The following SUMF1 variants were observed in gnomAD, a reference collection of about 807,000 sequenced individuals.
SUMF1 encodes sulfatase modifying factor 1.
SUMF1 carries 48 observed loss-of-function variants against 47.6 expected under a neutral mutation model. That is an observed-to-expected ratio of 1.01 (90% CI 0.80 to 1.28). The LOEUF (loss-of-function observed/expected upper bound fraction) is 1.28, where lower values mean the gene tolerates loss of function less well. SUMF1 is among the 50% of genes most tolerant of loss of function. SUMF1 has a pLI of 0.00. For missense variants in SUMF1, 571 were observed against 485.4 expected (o/e 1.18, Z -1.66); for synonymous variants, 230 against 192.1 (o/e 1.20, Z -1.63).
chr3:4,322,279 C>CAAAT (rs1333222325), intron 8 of SUMF1, among the ~76,000 whole-genome samples: 2 of 151,912 alleles, frequency 1.3e-5, no homozygotes, highest in African/African-American at 4.8e-5. Context: ...TTAATTGTAA[C>CAAAT]AAATGTATCA....
At chr3:4,151,397 A>G (rs11720484) in intron 8 of SUMF1, among the ~76,000 whole-genome samples, 95,784 of 141,820 alleles carry the variant, frequency 0.68, 32,397 homozygotes, top group African/African-American at 0.75. Flanking sequence ...ATGTATATAT[A>G]TGTATATGTA....
At chr3:4,316,289 A>G (rs1698641537) in intron 8 of SUMF1, 3 of 1,017,446 alleles carry the variant, frequency 2.9e-6, no homozygotes, top group Non-Finnish European at 4.5e-6. Context: ...GTAAAGCAGC[A>G]GAAACAACTC....
intron 7 of SUMF1, among the ~76,000 whole-genome samples, chr3:4,401,075 T>C (rs941340637): frequency 6.6e-6 from 1 of 151,048 alleles, no homozygotes; most frequent in African/African-American, 2.4e-5. Context: ...TCTGGTTTTC[T>C]GTCCTTGTGA....
At chr3:4,252,818 T>C (rs1450629403) in intron 8 of SUMF1, among the ~76,000 whole-genome samples, 2 of 152,184 alleles carry the variant, frequency 1.3e-5, no homozygotes, top group African/African-American at 2.4e-5. Flanking sequence ...TCAGTGAATA[T>C]TCAGGCAGTC....
intron 8 of SUMF1, among the ~76,000 whole-genome samples, chr3:4,259,339 G>T (rs202147780): frequency 6.6e-6 from 1 of 152,086 alleles, no homozygotes; most frequent in African/African-American, 2.4e-5. Flanking sequence ...CATGGCTATT[G>T]CAATTTTAGC....
At chr3:4,070,394 G>A (rs1250375861) in intron 8 of SUMF1, among the ~76,000 whole-genome samples, 1 of 152,128 alleles carries the variant, frequency 6.6e-6, no homozygotes, top group Non-Finnish European at 1.5e-5. Flanking sequence ...AACGGAGTAA[G>A]AGGACAGCAC....
intron 8 of SUMF1, among the ~76,000 whole-genome samples, chr3:4,367,454 A>G (rs1700014777): frequency 1.3e-5 from 2 of 152,080 alleles, no homozygotes; most frequent in African/African-American, 4.8e-5. Context: ...CAAGCTACCA[A>G]TGACTTTCTT....
intron 8 of SUMF1, among the ~76,000 whole-genome samples, chr3:4,219,677 T>C (rs1574990780): frequency 6.6e-6 from 1 of 152,160 alleles, no homozygotes; most frequent in Non-Finnish European, 1.5e-5. Flanking sequence ...GAATTTACCA[T>C]GCAGGCCAGT....
chr3:4,044,392 G>A lies in SUMF1; in HGVS notation c.1191+24177C>T, dbSNP rs141847462. Among the ~76,000 whole-genome samples the A allele has an allele frequency of 5.5e-3, 830 of 152,248 alleles. 10 individuals are homozygous for A. Among genetic ancestry groups the A allele is most frequent in the African/African-American group, 0.018 (760 of 41,546 alleles). On this transcript the variant is annotated intron_variant and NMD_transcript_variant, in intron 9 of 12. Coordinates refer to the SUMF1 transcript ENST00000448413. The stretch of plus-strand genomic sequence containing the variant: ...TTCCAAACCACATTAGTCATGAAGT[G>A]CTGACAATAATTACTAACACATTGA...
intron 8 of SUMF1, among the ~76,000 whole-genome samples, chr3:4,210,619 T>C (rs1189103543): frequency 6.6e-6 from 1 of 152,116 alleles, no homozygotes; most frequent in Admixed American, 6.5e-5. Context: ...CAAAAATTTT[T>C]TTTTAACTTT....
intron 8 of SUMF1, among the ~76,000 whole-genome samples, chr3:4,375,697 C>A (rs1036847507): frequency 6.6e-6 from 1 of 151,830 alleles, no homozygotes; most frequent in African/African-American, 2.4e-5. Flanking sequence ...GTTCAGGAGA[C>A]GTGAAAAATA....
chr3:4,159,788 AT>A (rs1261504518), intron 8 of SUMF1, among the ~76,000 whole-genome samples: 1 of 152,124 alleles, frequency 6.6e-6, no homozygotes, highest in Non-Finnish European at 1.5e-5. Flanking sequence ...GAAAGTCTTA[AT>A]TTCTCTTTTA....
chr3:4,461,721 G>A (rs1330210265), intron 1 of SUMF1, among the ~76,000 whole-genome samples: 1 of 151,920 alleles, frequency 6.6e-6, no homozygotes, highest in Non-Finnish European at 1.5e-5. Flanking sequence ...AAAATAGCCT[G>A]GATCACTCTG....
intron 3 of SUMF1, among the ~76,000 whole-genome samples, chr3:4,424,372 C>A (rs73125453): frequency 6.6e-6 from 1 of 152,108 alleles, no homozygotes; most frequent in African/African-American, 2.4e-5. Context: ...ACTTACTTAA[C>A]GTCATGGAGC....
rs535595641 is a variant in SUMF1, at chr3:4,054,419, G to A, written c.1191+14150C>T. ...AAACCTTGCTGACAACAGCAAAAAA[G>A]CTATGACAATCCACCACCTTGTCAA... On this transcript the variant is annotated intron_variant and NMD_transcript_variant, in intron 9 of 12. Coordinates refer to the SUMF1 transcript ENST00000448413. Among the ~76,000 whole-genome samples, 12 of 152,278 alleles carry A rather than the reference G, an allele frequency of 7.9e-5. No homozygotes were observed. The South Asian group carries it at 2.3e-3, about 29-fold the overall frequency.
intron 8 of SUMF1, among the ~76,000 whole-genome samples, chr3:4,374,902 C>T (rs1404996621): frequency 6.6e-6 from 1 of 151,966 alleles, no homozygotes; most frequent in African/African-American, 2.4e-5. Flanking sequence ...TGGCTGATGC[C>T]TGTAATCCCA....
intron 7 of SUMF1, among the ~76,000 whole-genome samples, chr3:4,389,633 G>A (rs1393917125): frequency 6.6e-6 from 1 of 152,074 alleles, no homozygotes; most frequent in Admixed American, 6.6e-5. Flanking sequence ...GATCCTTGTG[G>A]CTCTCAACAT....
chr3:4,149,027 T>C (rs1694257588), intron 8 of SUMF1, among the ~76,000 whole-genome samples: 1 of 152,100 alleles, frequency 6.6e-6, no homozygotes, highest in Non-Finnish European at 1.5e-5. Context: ...GACCTGAAGT[T>C]AGAGGAGTGA....
At chr3:4,415,931 G>A (rs181135272) in intron 6 of SUMF1, among the ~76,000 whole-genome samples, 20 of 152,306 alleles carry the variant, frequency 1.3e-4, no homozygotes, top group Non-Finnish European at 2.1e-4. Context: ...GGTGGATGCA[G>A]CCGACATCAA....
Sources: allele counts gnomAD v4.1 joint callset (sites outside exome capture counted in the v4.1 genomes callset), GRCh38; gene constraint gnomAD v4.1.1; transcripts MANE v1.5; gene names NCBI Gene and HGNC (gene_info 2026-07-23, HGNC 2026-07-21).